FBXO34: variants seen among roughly 807,000 people sequenced by gnomAD.
FBXO34 encodes F-box only protein 34.
In FBXO34, 12 loss-of-function variants were observed where a neutral mutation model predicts 24.5. The ratio of observed to expected loss-of-function variants is 0.49; its 90% CI spans 0.31 to 0.79. The LOEUF (loss-of-function observed/expected upper bound fraction) is 0.79, where lower values mean the gene tolerates loss of function less well. Ranked by LOEUF, FBXO34 falls within the 30% of genes least tolerant of loss-of-function variation. The pLI is 0.04. For missense variants in FBXO34, 823 were observed against 857.7 expected, an observed-to-expected ratio of 0.96 and a Z score of 0.51; for synonymous variants, 320 against 311.9, an observed-to-expected ratio of 1.03 and a Z score of -0.27.
the FBXO34 span, among the ~76,000 whole-genome samples, chr14:55,423,879 TA>T: frequency 6.6e-6 from 1 of 152,304 alleles, no homozygotes; most frequent in South Asian, 2.1e-4. Context: ...GAAGAGTTTG[TA>T]ACAGTAAGTT....
chr14:55,403,323 T>C, the FBXO34 span, among the ~76,000 whole-genome samples: 5 of 152,116 alleles, frequency 3.3e-5, no homozygotes, highest in East Asian at 9.7e-4. Flanking sequence ...AACTCAACTA[T>C]AGAATCAGAC....
At chr14:55,380,617 C>T in the FBXO34 span, 61 of 1,613,096 alleles carry the variant, frequency 3.8e-5, no homozygotes, top group Non-Finnish European at 5.2e-5. Context: ...GTATATGAGA[C>T]AGAATGTTGA....
rs1175007342 is a variant in FBXO34 at position 55,298,743 on chromosome 14, CAG to C, written c.-11+27207_-11+27208del. The C allele has an allele frequency of 1.9e-6, 3 of 1,571,036 alleles. No homozygotes were observed. In the East Asian group the frequency reaches 6.7e-5, roughly 35 times the overall value. ...CACGGAGGAGATGTTAAGCAAGAAA[CAG>C]GAGTTCCTGGAGAAGAAAATCGAGC... On this transcript the variant is annotated intron_variant, in intron 1 of 1. Coordinates refer to ENST00000313833, the MANE Select transcript of FBXO34 (RefSeq NM_017943.4).
At chr14:55,307,484 T>A (rs1017635379) in intron 1 of FBXO34, among the ~76,000 whole-genome samples, 1 of 152,250 alleles carries the variant, frequency 6.6e-6, no homozygotes, top group African/African-American at 2.4e-5. Context: ...TGTGTGACTC[T>A]TGTCCTCCAA....
chr14:55,428,764 A>G, the FBXO34 span: 1 of 1,572,604 alleles, frequency 6.4e-7, no homozygotes, highest in South Asian at 1.2e-5. Flanking sequence ...TGTAACTTAA[A>G]TATCTTGGTA....
At chr14:55,373,636 T>C (rs1884864219), downstream of FBXO34, among the ~76,000 whole-genome samples, 3 of 152,036 alleles carry the variant, frequency 2.0e-5, no homozygotes, top group African/African-American at 7.2e-5. Context: ...ATTTCAGTAC[T>C]TTTAGTAGAG....
At chr14:55,347,053 C>T (rs79740990) in intron 1 of FBXO34, among the ~76,000 whole-genome samples, 8,849 of 152,178 alleles carry the variant, frequency 0.058, 327 homozygotes, top group South Asian at 0.089. Context: ...TTCAGCGGGC[C>T]TAGGGGATCT....
At chr14:55,361,275 G>A (rs1884591971) in intron 3 of FBXO34, among the ~76,000 whole-genome samples, 1 of 152,224 alleles carries the variant, frequency 6.6e-6, no homozygotes, top group South Asian at 2.1e-4. Context: ...AGAGCTCTTG[G>A]ATGACCAGGT....
intron 1 of FBXO34, among the ~76,000 whole-genome samples, chr14:55,296,877 ATATAT>A (rs1026024121): frequency 4.7e-5 from 7 of 149,244 alleles, no homozygotes; most frequent in Non-Finnish European, 8.9e-5. Context: ...TTCTAAAAAA[ATATAT>A]TTTATTTCCC....
At chr14:55,308,422 C>G (rs2139735475) in intron 1 of FBXO34, among the ~76,000 whole-genome samples, 1 of 152,308 alleles carries the variant, frequency 6.6e-6, no homozygotes, top group Admixed American at 6.5e-5. Context: ...AATTTATTAA[C>G]AGCCTTGCCT....
At chr14:55,298,076 C>T (rs942870801) in intron 1 of FBXO34, among the ~76,000 whole-genome samples, 1 of 152,194 alleles carries the variant, frequency 6.6e-6, no homozygotes, top group Non-Finnish European at 1.5e-5. Context: ...TCCCTCACCA[C>T]GCCCTCTGCT....
intron 1 of FBXO34, among the ~76,000 whole-genome samples, chr14:55,304,081 T>C (rs530372006): frequency 6.6e-6 from 1 of 152,238 alleles, no homozygotes. Context: ...TGTGTGCGGT[T>C]AAAGTGATGA....
chr14:55,420,219 C>G, the FBXO34 span, among the ~76,000 whole-genome samples: 1 of 152,184 alleles, frequency 6.6e-6, no homozygotes, highest in Non-Finnish European at 1.5e-5. Context: ...TACAGGCACG[C>G]ACCACAATGC....
rs534307450 is a variant in FBXO34, at chr14:55,285,682, C to T, written c.-11+14145C>T. 4 of 152,322 alleles carry T rather than the reference C, an allele frequency of 2.6e-5. No individual in the cohort carries two copies. The South Asian group carries it at 6.2e-4, about 24-fold the overall frequency. 9.4% of individuals were successfully genotyped at this position (152,322 alleles called of 1,614,324 possible). ...ATTAGTTTTAGCAATTAAAATCTCC[C>T]TGCCAGCTCATTTGTTGGTCTACTT... On this transcript the variant is annotated intron_variant, in intron 1 of 1. Coordinates refer to ENST00000313833, the MANE Select transcript of FBXO34 (RefSeq NM_017943.4).
the FBXO34 span, among the ~76,000 whole-genome samples, chr14:55,390,658 A>G: frequency 7.2e-5 from 11 of 152,240 alleles, no homozygotes; most frequent in Non-Finnish European, 1.2e-4. Context: ...GGCGTGAGCT[A>G]CCACGCCTGG....
chr14:55,356,130 T>A (rs551326838), downstream of FBXO34, among the ~76,000 whole-genome samples: 2 of 152,356 alleles, frequency 1.3e-5, no homozygotes, highest in Admixed American at 1.3e-4. Flanking sequence ...CAATCACCGC[T>A]TCTAACTTGG....
In FBXO34 at chr14:55,352,266, C is replaced by T. The variant is rs768631951; in HGVS notation, c.1876C>T (p.Arg626Cys). 83 of 1,614,032 alleles carry T rather than the reference C, an allele frequency of 5.1e-5. No individual in the cohort carries two copies. The highest frequency in any genetic ancestry group is 6.7e-5 in the Non-Finnish European group (79 of 1,180,050). ...PADSRWVRDP[R>C]YREDPCKQCK... is the part of the protein sequence containing the mutation. The stretch of plus-strand genomic sequence containing the variant: ...AGATTCTCGCTGGGTTCGAGATCCA[C>T]GCTATAGAGAGGATCCTTGCAAACA... Residue 626 changes from arginine to cysteine, a missense_variant, in exon 2 of 2, where the codon CGC becomes TGC. Arg to Cys is a radical substitution (Grantham distance 180, BLOSUM62 -3). Transcript: ENST00000313833.
intron 1 of FBXO34, among the ~76,000 whole-genome samples, chr14:55,305,178 C>A (rs763067339): frequency 6.6e-6 from 1 of 152,130 alleles, no homozygotes; most frequent in Non-Finnish European, 1.5e-5. Flanking sequence ...TTCAGGAGGT[C>A]GAGGCGGGTG....
chr14:55,435,769 A>T, the FBXO34 span: 1 of 1,041,738 alleles, frequency 9.6e-7, no homozygotes, highest in Non-Finnish European at 1.4e-6. Flanking sequence ...CAGAGGAATT[A>T]GTCAATATCA....
Sources: gnomAD v4.1 joint callset for allele counts (sites outside exome capture counted in the v4.1 genomes callset) on GRCh38, gnomAD v4.1.1 for gene constraint, MANE v1.5 for transcripts, NCBI Gene and HGNC (gene_info 2026-07-23, HGNC 2026-07-21) for gene names.